KIAA1958: variants seen among roughly 807,000 people sequenced by gnomAD.
The protein encoded by KIAA1958 is uncharacterized protein KIAA1958.
KIAA1958 carries 14 observed loss-of-function variants against 47.2 expected under a neutral mutation model. The ratio of observed to expected loss-of-function variants is 0.30; its 90% CI spans 0.20 to 0.46. The LOEUF is 0.46. KIAA1958 is among the 20% of genes least tolerant of loss of function. The probability of loss-of-function intolerance (pLI) is 1.00; values close to 1 mark genes in which losing one functional copy is unlikely to be tolerated. For missense variants in KIAA1958, 803 were observed against 909.2 expected (o/e 0.88, Z 1.50); for synonymous variants, 354 against 353.3 (o/e 1.00, Z -0.02).
intron 1 of KIAA1958, among the ~76,000 whole-genome samples, chr9:112,567,155 G>T (rs1468503494): frequency 6.6e-6 from 1 of 152,104 alleles, no homozygotes; most frequent in African/African-American, 2.4e-5. Context: ...GTATTATTTT[G>T]TGTGTATTAA....
chr9:112,528,341 T>C (rs190028465), intron 1 of KIAA1958, among the ~76,000 whole-genome samples: 1 of 152,292 alleles, frequency 6.6e-6, no homozygotes, highest in South Asian at 2.1e-4. Context: ...GGGGCCTATT[T>C]GCCTTTCTTT....
intron 1 of KIAA1958, among the ~76,000 whole-genome samples, chr9:112,571,609 C>G (rs1245351332): frequency 6.6e-6 from 1 of 151,942 alleles, no homozygotes. Context: ...ACTGGGTAGG[C>G]AAAATAGCAG....
intron 3 of KIAA1958, among the ~76,000 whole-genome samples, chr9:112,654,423 G>A (rs1214772217): frequency 1.3e-5 from 2 of 152,126 alleles, no homozygotes; most frequent in South Asian, 2.1e-4. Context: ...GAAAATGAGA[G>A]TTGGTCTCTT....
chr9:112,611,645 A>G (rs938376706), intron 2 of KIAA1958, among the ~76,000 whole-genome samples: 2 of 152,170 alleles, frequency 1.3e-5, no homozygotes, highest in Non-Finnish European at 2.9e-5. Context: ...ATTCCCAATC[A>G]TAAGTATGTC....
chr9:112,528,249 A>T (rs1242035981), intron 1 of KIAA1958, among the ~76,000 whole-genome samples: 1 of 152,170 alleles, frequency 6.6e-6, no homozygotes, highest in Non-Finnish European at 1.5e-5. Flanking sequence ...CCATTCAAGC[A>T]CCAGTTGTCA....
At chr9:112,615,434 AAAG>A (rs1432345110) in intron 2 of KIAA1958, among the ~76,000 whole-genome samples, 1 of 151,752 alleles carries the variant, frequency 6.6e-6, no homozygotes, top group East Asian at 1.9e-4. Flanking sequence ...AAAAAAAAAA[AAAG>A]AGGAGCAACT....
intron 2 of KIAA1958, among the ~76,000 whole-genome samples, chr9:112,608,560 G>C (rs780507725): frequency 8.5e-5 from 13 of 152,152 alleles, no homozygotes; most frequent in Non-Finnish European, 1.3e-4. Context: ...AGTCCAAGGT[G>C]GGTGGATCAC....
chr9:112,532,141 A>G (rs1037102434), intron 1 of KIAA1958, among the ~76,000 whole-genome samples: 1 of 152,188 alleles, frequency 6.6e-6, no homozygotes, highest in African/African-American at 2.4e-5. Flanking sequence ...AATTGAGTTC[A>G]TGATTCAGGC....
intron 1 of KIAA1958, among the ~76,000 whole-genome samples, chr9:112,515,404 A>G (rs1834409235): frequency 1.3e-5 from 2 of 149,300 alleles, no homozygotes; most frequent in South Asian, 4.3e-4. Flanking sequence ...CTCATTGAGA[A>G]CGGGCCAGGA....
chr9:112,583,187 T>A (rs1835763242), intron 2 of KIAA1958, among the ~76,000 whole-genome samples: 3 of 152,172 alleles, frequency 2.0e-5, no homozygotes, highest in Admixed American at 2.0e-4. Context: ...GCTTTCCAGG[T>A]TTACATTTCA....
At chr9:112,606,174 A>ACCTACCCAG (rs1836230883) in intron 2 of KIAA1958, among the ~76,000 whole-genome samples, 2 of 152,190 alleles carry the variant, frequency 1.3e-5, no homozygotes, top group Non-Finnish European at 2.9e-5. Flanking sequence ...TTCAGGCTTC[A>ACCTACCCAG]GCACCTGGGT....
intron 2 of KIAA1958, among the ~76,000 whole-genome samples, chr9:112,629,628 CTT>C (rs1263562066): frequency 2.6e-5 from 4 of 152,182 alleles, no homozygotes; most frequent in African/African-American, 9.7e-5. Context: ...ATGTTCTCAT[CTT>C]TGTCGACTCA....
At chr9:112,523,786 T>TGAGG (rs762536025) in intron 1 of KIAA1958, among the ~76,000 whole-genome samples, 2 of 152,206 alleles carry the variant, frequency 1.3e-5, no homozygotes, top group Non-Finnish European at 2.9e-5. Flanking sequence ...AGTTGATAAC[T>TGAGG]GAGGGAACAC....
At chr9:112,649,148 G>A (rs567832755) in intron 3 of KIAA1958, among the ~76,000 whole-genome samples, 7 of 152,062 alleles carry the variant, frequency 4.6e-5, no homozygotes, top group Admixed American at 6.6e-5. Context: ...ATGAAACACC[G>A]AAAGAAAAGA....
At chr9:112,487,631 G>A (rs1833884846) in intron 1 of KIAA1958, among the ~76,000 whole-genome samples, 1 of 152,186 alleles carries the variant, frequency 6.6e-6, no homozygotes, top group Non-Finnish European at 1.5e-5. Flanking sequence ...GTGCGTTTGG[G>A]GCGTGTGTGA....
chr9:112,540,899 T>C (rs7864165), intron 1 of KIAA1958, among the ~76,000 whole-genome samples: 143,727 of 151,958 alleles, frequency 0.95, 68,021 homozygotes, highest in South Asian at 0.98. Flanking sequence ...ATTTTTTATT[T>C]TTTGTAGAGA....
intron 2 of KIAA1958, among the ~76,000 whole-genome samples, chr9:112,627,465 A>G (rs1836636590): frequency 6.6e-6 from 1 of 152,196 alleles, no homozygotes; most frequent in Admixed American, 6.5e-5. Flanking sequence ...TTTAATAACA[A>G]TATTCAGGCT....
At chr9:112,640,801 C>T (rs181798846) in intron 2 of KIAA1958, among the ~76,000 whole-genome samples, 5 of 152,218 alleles carry the variant, frequency 3.3e-5, no homozygotes, top group African/African-American at 9.6e-5. Flanking sequence ...ATAATACCAG[C>T]GACTTCATCA....
intron 1 of KIAA1958, among the ~76,000 whole-genome samples, chr9:112,509,217 T>TTTTG (rs1325197500): frequency 1.3e-5 from 2 of 150,752 alleles, no homozygotes; most frequent in African/African-American, 4.9e-5. Flanking sequence ...TTTTTTTTTT[T>TTTTG]TTTGAGACGG....
Sources: gnomAD v4.1 joint callset for allele counts (sites outside exome capture counted in the v4.1 genomes callset) on GRCh38, gnomAD v4.1.1 for gene constraint, MANE v1.5 for transcripts, NCBI Gene and HGNC (gene_info 2026-07-23, HGNC 2026-07-21) for gene names.